Variants in TTC7B observed in about 807,000 individuals in gnomAD.
The protein encoded by TTC7B is tetratricopeptide repeat protein 7B.
TTC7B carries 28 observed loss-of-function variants against 106.8 expected under a neutral mutation model. The ratio of observed to expected loss-of-function variants is 0.26; its 90% CI spans 0.19 to 0.36. The LOEUF is 0.36. Among genes scored for constraint, TTC7B ranks in the 10% least tolerant of loss-of-function variants. The pLI is 1.00. For missense variants in TTC7B, 862 were observed against 1,076.4 expected (o/e 0.80, Z 2.79); for synonymous variants, 405 against 430.6 (o/e 0.94, Z 0.74).
At chr14:90,751,870 G>A (rs932777793) in intron 3 of TTC7B, among the ~76,000 whole-genome samples, 4 of 152,174 alleles carry the variant, frequency 2.6e-5, no homozygotes, top group Non-Finnish European at 4.4e-5. Flanking sequence ...AAGAGTCTCA[G>A]AAAAGTTAAG....
In TTC7B at chr14:90,730,180, A is replaced by G; in HGVS notation, c.593T>C (p.Ile198Thr). The change falls in exon 5 of 20, where the codon ATT (isoleucine) becomes ACT (threonine). Residue 198 changes from isoleucine to threonine, a missense_variant. Ile to Thr is a moderately conservative substitution (Grantham distance 89, BLOSUM62 -1). Coordinates refer to ENST00000328459, the MANE Select transcript of TTC7B (RefSeq NM_001010854.2). Reference protein sequence around the residue: ...QEIERVILSNIQNRSPKPGPA... With the variant: ...QEIERVILSNTQNRSPKPGPA... Reference sequence around the variant, plus strand: ...GCCAGGCTTAGGGCTTCTGTTTTGAATATTAGAAAGTATTACCTAGAAGGG... The same window carrying G: ...GCCAGGCTTAGGGCTTCTGTTTTGAGTATTAGAAAGTATTACCTAGAAGGG... The G allele has an allele frequency of 3.1e-6, 5 of 1,604,004 alleles. No individual in the cohort carries two copies. Among genetic ancestry groups the G allele is most frequent in the Non-Finnish European group, 4.2e-6 (5 of 1,177,454 alleles).
Position 90,657,594 on chromosome 14 carries a change from C to G in TTC7B, c.1237-316G>C. 3.9e-6 allele frequency: 1 copy of G among 257,192 alleles called. No individual in the cohort carries two copies. The highest frequency in any genetic ancestry group is 6.4e-5 in the South Asian group (1 of 15,664). 15.9% of individuals were successfully genotyped at this position (257,192 alleles called of 1,614,324 possible). On this transcript the variant is annotated intron_variant, in intron 10 of 19. Coordinates refer to ENST00000328459, the MANE Select transcript of TTC7B (RefSeq NM_001010854.2). The surrounding 1 kb of genome is among the most constrained non-coding windows in gnomAD (Gnocchi z 4.2). Reference sequence around the variant, plus strand: ...GTTTGTTCTTATAAAAGGTAAATATCTAATTTAAGGCACAAAATACTGAAT... The same window carrying G: ...GTTTGTTCTTATAAAAGGTAAATATGTAATTTAAGGCACAAAATACTGAAT...
intron 17 of TTC7B, among the ~76,000 whole-genome samples, chr14:90,609,819 C>A (rs1892802937): frequency 6.6e-6 from 1 of 152,164 alleles, no homozygotes; most frequent in Non-Finnish European, 1.5e-5. Flanking sequence ...ACAACTGAAT[C>A]ATTGGTATGG....
chr14:90,651,272 C>A (rs948300715), intron 13 of TTC7B, among the ~76,000 whole-genome samples: 1 of 152,208 alleles, frequency 6.6e-6, no homozygotes, highest in African/African-American at 2.4e-5. Context: ...CTATATTTCA[C>A]ACAAATTCTA....
At chr14:90,585,555 G>A (rs1891676700) in intron 18 of TTC7B, 1 of 152,512 alleles carries the variant, frequency 6.6e-6, no homozygotes. Context: ...CTTGCTGGAG[G>A]AATTCATTTC....
At chr14:90,662,027 G>A (rs545065152) in intron 9 of TTC7B, among the ~76,000 whole-genome samples, 88 of 152,300 alleles carry the variant, frequency 5.8e-4, no homozygotes, top group African/African-American at 1.9e-3. Flanking sequence ...GTAGAATCAC[G>A]GGATCCTGTG....
At position 90,655,060 on chromosome 14, in the gene TTC7B, T is replaced by G. The variant is rs1885890181; in HGVS notation, c.1392A>C (p.Lys464Asn). ...AGCCTTTGGCCTTGAACTCTGACGT[T>G]TTCTCTCCCACATCAACGACAGTTT... ...FAKTVVDVGEKTSEFKAKGYL... is the reference protein window; with the variant it reads ...FAKTVVDVGENTSEFKAKGYL... Residue 464 changes from lysine to asparagine, a missense_variant, in exon 12 of 20, where the codon AAA (lysine) becomes AAC (asparagine). Lys to Asn is a moderately conservative substitution (Grantham distance 94, BLOSUM62 0). Coordinates refer to ENST00000328459, the MANE Select transcript of TTC7B (RefSeq NM_001010854.2). 1 of 1,614,056 alleles carries G rather than the reference T, an allele frequency of 6.2e-7. No individual in the cohort carries two copies. The highest frequency in any genetic ancestry group is 1.1e-5 in the South Asian group (1 of 91,088).
rs1045234056 is a variant in TTC7B at position 90,757,866 on chromosome 14, T to C, written c.446-12944A>G. Among the ~76,000 whole-genome samples the C allele has an allele frequency of 6.6e-6, 1 of 152,210 alleles. No homozygotes were observed. The highest frequency in any genetic ancestry group is 1.5e-5 in the Non-Finnish European group (1 of 68,032). On this transcript the variant is annotated intron_variant, in intron 3 of 19. Coordinates refer to ENST00000328459, the MANE Select transcript of TTC7B (RefSeq NM_001010854.2). This position sits in a 1 kb window ranked among gnomAD's most constrained non-coding sequence, Gnocchi z 4.1. ...CCAGGAATTTTCGGTCCACGAAAAATATGACGTACTTCAATTCCTGCTAAA... is the reference window on the plus strand; with the variant it reads ...CCAGGAATTTTCGGTCCACGAAAAACATGACGTACTTCAATTCCTGCTAAA...
intron 5 of TTC7B, among the ~76,000 whole-genome samples, chr14:90,715,641 G>A (rs960225811): frequency 6.1e-4 from 93 of 152,134 alleles, no homozygotes; most frequent in Non-Finnish European, 1.8e-4. Context: ...GACTTGCCAA[G>A]GTCACACTGC....
chr14:90,716,779 C>G (rs1383283729), intron 5 of TTC7B, among the ~76,000 whole-genome samples: 1 of 152,000 alleles, frequency 6.6e-6, no homozygotes, highest in Non-Finnish European at 1.5e-5. Flanking sequence ...TGCTTATTTC[C>G]AGGATGCAGG....
intron 9 of TTC7B, among the ~76,000 whole-genome samples, chr14:90,666,274 G>T (rs564440684): frequency 2.0e-5 from 3 of 152,300 alleles, no homozygotes; most frequent in South Asian, 2.1e-4. Flanking sequence ...TGATTCTCCT[G>T]CCTCAGCCTC....
In TTC7B at chr14:90,716,835, A is replaced by T. The variant is rs116702416; in HGVS notation, c.698+13240T>A. ...ATTTGCCAGGGAGATTCAGAGGAGA[A>T]CCAGCTACCACAACCATCAGTCAGC... On this transcript the variant is annotated intron_variant, in intron 5 of 19. Coordinates refer to ENST00000328459, the MANE Select transcript of TTC7B (RefSeq NM_001010854.2). Among the ~76,000 whole-genome samples the T allele has an allele frequency of 7.6e-3, 1,160 of 152,254 alleles. 16 individuals are homozygous for T. The highest frequency in any genetic ancestry group is 0.027 in the African/African-American group (1,102 of 41,554).
At chr14:90,584,758 A>G (rs1396347798) in intron 18 of TTC7B, among the ~76,000 whole-genome samples, 1 of 151,744 alleles carries the variant, frequency 6.6e-6, no homozygotes, top group Non-Finnish European at 1.5e-5. Flanking sequence ...CCTCCAAACC[A>G]TGTCCTTTAC....
chr14:90,807,706 T>C lies in TTC7B; in HGVS notation c.121+8469A>G, dbSNP rs1418640445. Among the ~76,000 whole-genome samples, 1 of 152,266 alleles carries C rather than the reference T, an allele frequency of 6.6e-6. No homozygotes were observed. The highest frequency in any genetic ancestry group is 1.5e-5 in the Non-Finnish European group (1 of 68,050). ...CTTGCCTACTCAAACTAACTGAGGC[T>C]GTTTACAAATGTAGATTTCCAGCTT... On this transcript the variant is annotated intron_variant, in intron 1 of 19. Transcript: ENST00000328459. This position sits in a 1 kb window ranked among gnomAD's most constrained non-coding sequence, Gnocchi z 4.1.
intron 19 of TTC7B, among the ~76,000 whole-genome samples, chr14:90,550,297 G>A (rs1890021216): frequency 6.6e-6 from 1 of 152,188 alleles, no homozygotes; most frequent in African/African-American, 2.4e-5. Flanking sequence ...CTCATCTGTT[G>A]ATGTATAGGA....
Position 90,578,160 on chromosome 14 carries a change from C to A in TTC7B, c.2256G>T (p.Trp752Cys). 1 of 1,613,348 alleles carries A rather than the reference C, an allele frequency of 6.2e-7. No individual in the cohort carries two copies. ...LRGSMDEARR[W>C]YEEALAISPT... ...GGCTGATGGCTAAGGCCTCTTCATACCACCGCCGCGCCTCGTCCATGCTTC... is the reference window on the plus strand; with the variant it reads ...GGCTGATGGCTAAGGCCTCTTCATAACACCGCCGCGCCTCGTCCATGCTTC... Residue 752 changes from tryptophan (W) to cysteine (C), a missense_variant, in exon 19 of 20, where the codon TGG becomes TGT. Transcript: ENST00000328459. This position sits in a 1 kb window ranked among gnomAD's most constrained non-coding sequence, Gnocchi z 4.7.
intron 18 of TTC7B, among the ~76,000 whole-genome samples, chr14:90,591,720 G>T (rs1007686410): frequency 7.9e-5 from 12 of 152,208 alleles, no homozygotes; most frequent in African/African-American, 2.4e-4. Flanking sequence ...ACAAGTTCAG[G>T]TTTACCTGGC....
At chr14:90,811,040 C>A (rs552672484) in intron 1 of TTC7B, among the ~76,000 whole-genome samples, 124 of 152,298 alleles carry the variant, frequency 8.1e-4, no homozygotes, top group Non-Finnish European at 3.4e-4. Flanking sequence ...GGACGAGCTG[C>A]ACAGCCCCAG....
intron 5 of TTC7B, among the ~76,000 whole-genome samples, chr14:90,700,190 C>T (rs1210111805): frequency 2.0e-5 from 3 of 152,150 alleles, no homozygotes; most frequent in Non-Finnish European, 4.4e-5. Flanking sequence ...ACTCCTACAC[C>T]AGTGGCATGC....
Sources: gnomAD v4.1 joint callset for allele counts (sites outside exome capture counted in the v4.1 genomes callset) on GRCh38, gnomAD v4.1.1 for gene constraint, Gnocchi (gnomAD v3.1) non-coding constraint, MANE v1.5 for transcripts, NCBI Gene and HGNC (gene_info 2026-07-23, HGNC 2026-07-21) for gene names.